Variants in SEC23A observed in about 807,000 individuals in gnomAD.
The protein encoded by SEC23A is SEC23 homolog A, COPII component.
A neutral mutation model predicts 103.7 loss-of-function variants in SEC23A; 56 were observed. The ratio of observed to expected loss-of-function variants is 0.54; its 90% CI spans 0.44 to 0.67. The LOEUF is 0.67. SEC23A is among the 30% of genes least tolerant of loss of function. SEC23A has a pLI of 0.00. For synonymous variants in SEC23A, 281 were observed against 293.0 expected, an observed-to-expected ratio of 0.96 and a Z score of 0.42; for missense variants, 784 against 936.4, an observed-to-expected ratio of 0.84 and a Z score of 2.12.
chr14:39,047,447 A>AT (rs1161608593), intron 15 of SEC23A: 1 of 1,277,122 alleles, frequency 7.8e-7, no homozygotes. Flanking sequence ...CTCTGTAAGC[A>AT]TGGAGTTTCT....
chr14:39,094,427 T>C (rs1594486727), intron 2 of SEC23A, among the ~76,000 whole-genome samples: 3 of 62,650 alleles, frequency 4.8e-5, no homozygotes, highest in African/African-American at 1.4e-4. Flanking sequence ...TATATATATA[T>C]ATATATATAT....
At chr14:39,076,577 T>C (rs1035742376) in intron 7 of SEC23A, among the ~76,000 whole-genome samples, 1 of 151,734 alleles carries the variant, frequency 6.6e-6, no homozygotes, top group African/African-American at 2.4e-5. Flanking sequence ...TCTTCTATTT[T>C]TTTGTTGGTG....
At chr14:39,043,295 C>G (rs1885715669) in intron 16 of SEC23A, among the ~76,000 whole-genome samples, 1 of 152,012 alleles carries the variant, frequency 6.6e-6, no homozygotes, top group African/African-American at 2.4e-5. Flanking sequence ...CCATGATGGC[C>G]TAAATTTGAA....
chr14:39,040,967 T>A (rs1313371248), intron 17 of SEC23A, 80 bp from the exon 18 acceptor site: 2 of 1,494,046 alleles, frequency 1.3e-6, no homozygotes, highest in Non-Finnish European at 8.9e-7. Flanking sequence ...AAGAAAATAA[T>A]CTTTAGAAAC....
intron 7 of SEC23A, among the ~76,000 whole-genome samples, chr14:39,078,622 C>T (rs1354976626): frequency 6.6e-6 from 1 of 152,146 alleles, no homozygotes; most frequent in Non-Finnish European, 1.5e-5. Flanking sequence ...CTGAGAGATA[C>T]AGAACCAAGC....
intron 7 of SEC23A, among the ~76,000 whole-genome samples, chr14:39,084,355 G>A (rs1887351414): frequency 6.6e-6 from 1 of 152,092 alleles, no homozygotes; most frequent in South Asian, 2.1e-4. Context: ...GCTAAGATAT[G>A]TATAGCATAA....
At chr14:39,086,547 G>A (rs905043924) in intron 6 of SEC23A, among the ~76,000 whole-genome samples, 1 of 152,076 alleles carries the variant, frequency 6.6e-6, no homozygotes. Context: ...GTTTGAACCT[G>A]GGAGGCGGAA....
At chr14:39,077,728 G>A (rs546718571) in intron 7 of SEC23A, among the ~76,000 whole-genome samples, 19 of 151,956 alleles carry the variant, frequency 1.3e-4, no homozygotes, top group Non-Finnish European at 2.1e-4. Flanking sequence ...CCAGGAGTTC[G>A]AGACTAGCCT....
intron 17 of SEC23A, chr14:39,041,524 A>C (rs1431057296): frequency 2.7e-5 from 4 of 148,768 alleles, no homozygotes; most frequent in African/African-American, 9.8e-5. Context: ...AGGGCATTAG[A>C]AACTGGTATC....
At chr14:39,055,974 G>A (rs1886232732) in intron 13 of SEC23A, among the ~76,000 whole-genome samples, 1 of 152,238 alleles carries the variant, frequency 6.6e-6, no homozygotes, top group Admixed American at 6.5e-5. Context: ...CGAAGGTTAT[G>A]AGATAAGCCT....
intron 9 of SEC23A, among the ~76,000 whole-genome samples, chr14:39,071,922 T>G (rs1394700773): frequency 1.3e-5 from 2 of 152,052 alleles, no homozygotes; most frequent in Non-Finnish European, 2.9e-5. Context: ...ACTTTTGTGC[T>G]GCAAACAATA....
intron 13 of SEC23A, among the ~76,000 whole-genome samples, chr14:39,060,625 A>T (rs1886442052): frequency 6.6e-6 from 1 of 152,238 alleles, no homozygotes; most frequent in Non-Finnish European, 1.5e-5. Context: ...AACTAAACTC[A>T]TTCCACAATT....
chr14:39,058,576 G>C (rs1426146004), intron 13 of SEC23A, among the ~76,000 whole-genome samples: 1 of 152,050 alleles, frequency 6.6e-6, no homozygotes, highest in Non-Finnish European at 1.5e-5. Context: ...CAAAGTGCTG[G>C]GATTACAGGC....
At chr14:39,101,238 T>C (rs1467869115) in intron 1 of SEC23A, among the ~76,000 whole-genome samples, 2 of 152,198 alleles carry the variant, frequency 1.3e-5, no homozygotes, top group East Asian at 3.8e-4. Context: ...GGTTAAATAA[T>C]TTATCATAAT....
At chr14:39,035,881 A>G (rs965138470) in intron 19 of SEC23A, among the ~76,000 whole-genome samples, 1 of 152,200 alleles carries the variant, frequency 6.6e-6, no homozygotes, top group Non-Finnish European at 1.5e-5. Flanking sequence ...AAATTCAATC[A>G]TGCAATTGTA....
chr14:39,081,511 T>C (rs1887224958), intron 7 of SEC23A, among the ~76,000 whole-genome samples: 2 of 152,232 alleles, frequency 1.3e-5, no homozygotes, highest in Admixed American at 1.3e-4. Flanking sequence ...TTTTGTACTA[T>C]ATATTCTCAG....
At chr14:39,070,957 G>A (rs1380652323) in intron 9 of SEC23A, among the ~76,000 whole-genome samples, 1 of 152,126 alleles carries the variant, frequency 6.6e-6, no homozygotes, top group Non-Finnish European at 1.5e-5. Context: ...AACCCAGGGG[G>A]CGGAGGTTGC....
Position 39,065,997 on chromosome 14 carries a change from C to CAAAA in SEC23A, c.1228-1008_1228-1005dup, listed in dbSNP as rs59260008. Among the ~76,000 whole-genome samples, 52 of 80,488 alleles carry CAAAA rather than the reference C, an allele frequency of 6.5e-4. 5 individuals are homozygous for CAAAA. Among genetic ancestry groups the CAAAA allele is most frequent in the African/African-American group, 2.6e-3 (50 of 19,114 alleles). 52.8% of individuals were successfully genotyped at this position (80,488 alleles called of 152,430 possible). A position where few individuals can be genotyped will look rare whatever the true frequency, so the allele number is the denominator to read the frequency against. ...GGGCAATAAGAGCGAAACTCCATCT[C>CAAAA]AAAAAAAAAAAAAAAAAAAAAAAAA... On this transcript the variant is annotated intron_variant, in intron 10 of 19. Transcript: ENST00000307712.
intron 2 of SEC23A, among the ~76,000 whole-genome samples, chr14:39,094,387 CACACACACACATATATAT>C (rs1218376406): frequency 3.8e-5 from 2 of 53,298 alleles, no homozygotes; most frequent in African/African-American, 1.3e-4. Flanking sequence ...CACACACACA[CACACACACACATATATAT>C]ATATATATAT....
Sources: gnomAD v4.1 joint callset for allele counts (sites outside exome capture counted in the v4.1 genomes callset) on GRCh38, gnomAD v4.1.1 for gene constraint, MANE v1.5 for transcripts, NCBI Gene and HGNC (gene_info 2026-07-23, HGNC 2026-07-21) for gene names.